FASTKD2: variants seen among roughly 807,000 people sequenced by gnomAD.
The protein encoded by FASTKD2 is FAST kinase domains 2, also known as FAST kinase domain-containing protein 2, mitochondrial.
FASTKD2 carries 51 observed loss-of-function variants against 63.6 expected under a neutral mutation model. The ratio of observed to expected loss-of-function variants is 0.80; its 90% CI spans 0.64 to 1.01. The LOEUF (loss-of-function observed/expected upper bound fraction) is 1.01. Ranked by LOEUF, FASTKD2 falls within the 50% of genes least tolerant of loss-of-function variation. FASTKD2 has a pLI of 0.00. For synonymous variants in FASTKD2, 284 were observed against 293.4 expected, an observed-to-expected ratio of 0.97 and a Z score of 0.33; for missense variants, 786 against 831.1, an observed-to-expected ratio of 0.95 and a Z score of 0.67.
chr2:206,787,832 G>T, intron 8 of FASTKD2, 105 bp from the exon 9 acceptor site: 1 of 477,778 alleles, frequency 2.1e-6, no homozygotes. Flanking sequence ...GTGCATTTAT[G>T]TATATATTTA....
chr2:206,787,748 G>A (rs1290028899), intron 8 of FASTKD2, among the ~76,000 whole-genome samples, 189 bp from the exon 9 acceptor site: 1 of 152,118 alleles, frequency 6.6e-6, no homozygotes, highest in Non-Finnish European at 1.5e-5. Flanking sequence ...GCAGGGCTTT[G>A]ATTTAGACCC....
rs749657627 is a variant in FASTKD2 at position 206,791,665 on chromosome 2, T to C, written c.2014-18T>C. The stretch of plus-strand genomic sequence containing the variant: ...GTATCGTCTCACAAACTGATTATTT[T>C]CCTCTTTCTTTGGTAAGGTCAATAA... On this transcript the variant is annotated intron_variant, in intron 11 of 11. Coordinates refer to ENST00000402774, the MANE Select transcript of FASTKD2 (RefSeq NM_001136193.2). 25 of 1,610,952 alleles carry C rather than the reference T, an allele frequency of 1.6e-5. No homozygotes were observed. The African/African-American group carries it at 3.1e-4, about 20-fold the overall frequency.
At chr2:206,771,063 C>G in intron 3 of FASTKD2, 119 bp from the exon 4 acceptor site, 1 of 675,040 alleles carries the variant, frequency 1.5e-6, no homozygotes, top group Non-Finnish European at 2.7e-6. Context: ...GCAGGTAGAT[C>G]ATTTCTCTGG....
intron 7 of FASTKD2, among the ~76,000 whole-genome samples, chr2:206,775,273 G>C (rs1022429874): frequency 4.0e-5 from 6 of 151,332 alleles, no homozygotes; most frequent in Non-Finnish European, 7.4e-5. Context: ...CCACAAGTGA[G>C]ATCCCTGGAT....
chr2:206,788,858 T>G lies in FASTKD2; in HGVS notation c.1853T>G (p.Leu618Arg). The G allele has an allele frequency of 6.3e-7, 1 of 1,588,880 alleles. No homozygotes were observed. Among genetic ancestry groups the G allele is most frequent in the South Asian group, 1.1e-5 (1 of 90,540 alleles). Residue 618 changes from leucine (L) to arginine (R), a missense_variant, in exon 10 of 12, where the codon CTA becomes CGA. Physicochemically the swap from Leu to Arg is moderately radical, Grantham distance 102. Coordinates refer to ENST00000402774, the MANE Select transcript of FASTKD2 (RefSeq NM_001136193.2). ...IRMDTNRNQV[L>R]PLSDVDTTSA... ...ATGGACACTAACAGGAATCAAGTGC[T>G]ACCACTTTCTGATGTGGATACAACT...
In FASTKD2 at chr2:206,795,776, A is replaced by C. The variant is rs1690433630; in HGVS notation, c.*3974A>C. Among the ~76,000 whole-genome samples, 1 of 152,226 alleles carries C rather than the reference A, an allele frequency of 6.6e-6. No homozygotes were observed. Among genetic ancestry groups the C allele is most frequent in the African/African-American group, 2.4e-5 (1 of 41,454 alleles). On this transcript the variant is annotated 3_prime_UTR_variant, in exon 12 of 12. Transcript: ENST00000402774. The stretch of plus-strand genomic sequence containing the variant: ...GAGCATTTTATTTTTCTAGAAGAGC[A>C]ATAACAGAGACCCCAGGGTGTGGTG...
In FASTKD2 at chr2:206,777,288, G is replaced by T. The variant is rs981098689; in HGVS notation, c.1427+2891G>T. 2.0e-5 allele frequency among the ~76,000 whole-genome samples: 3 copies of T among 152,080 alleles called. No individual in the cohort carries two copies. In the East Asian group the frequency reaches 5.8e-4, roughly 29 times the overall value. ...AAGAAAATATTTGTTTTTCATCATC[G>T]AATATGATGTTAGCTATGGCTTTTC... On this transcript the variant is annotated intron_variant, in intron 7 of 11. Transcript: ENST00000402774.
At chr2:206,772,998 T>C (rs529272251) in intron 6 of FASTKD2, among the ~76,000 whole-genome samples, 4 of 152,172 alleles carry the variant, frequency 2.6e-5, no homozygotes, top group Non-Finnish European at 4.4e-5. Flanking sequence ...GAAACAAAAA[T>C]TTGCTCTTCT....
At chr2:206,782,937 G>GGGCA (rs1308155451) in intron 7 of FASTKD2, among the ~76,000 whole-genome samples, 2 of 151,676 alleles carry the variant, frequency 1.3e-5, no homozygotes, top group African/African-American at 4.9e-5. Context: ...GAACAAACTA[G>GGGCA]GGCAGTTGTG....
rs938922378 is a variant in FASTKD2, at chr2:206,773,291, G to A, written c.1255-934G>A. On this transcript the variant is annotated intron_variant, in intron 6 of 11. Coordinates refer to ENST00000402774, the MANE Select transcript of FASTKD2 (RefSeq NM_001136193.2). ...GATTGTGCCACTGTACTCCAGCCTG[G>A]GCAATAAAGATCAAAACTCTGTCTC... Among the ~76,000 whole-genome samples the A allele has an allele frequency of 6.2e-5, 9 of 145,160 alleles. No homozygotes were observed. In the South Asian group the frequency reaches 6.6e-4, roughly 11 times the overall value.
Position 206,771,784 on chromosome 2 carries a change from G to T in FASTKD2, c.991-110G>T, listed in dbSNP as rs568793725. On this transcript the variant is annotated intron_variant, in intron 4 of 11. Transcript: ENST00000402774. The stretch of plus-strand genomic sequence containing the variant: ...CAGGAGGATCACTTGAGCCTGGGAG[G>T]TTGAGGCTCCAACCTGGGTGACAGC... 4.8e-4 allele frequency: 414 copies of T among 854,126 alleles called. 1 individual carries two copies. Among genetic ancestry groups the T allele is most frequent in the Middle Eastern group, 3.3e-3 (11 of 3,354 alleles). 52.9% of individuals were successfully genotyped at this position (854,126 alleles called of 1,614,324 possible). A position where few individuals can be genotyped will look rare whatever the true frequency, so the allele number is the denominator to read the frequency against.
intron 6 of FASTKD2, among the ~76,000 whole-genome samples, chr2:206,773,030 A>G (rs1689726427): frequency 6.6e-6 from 1 of 152,048 alleles, no homozygotes; most frequent in South Asian, 2.1e-4. Context: ...AAAGGGTTGT[A>G]TGGGCTGGGC....
chr2:206,793,220 C>CAAAAAAAAAAAA lies in FASTKD2; in HGVS notation c.*1438_*1449dup, dbSNP rs58656956. On this transcript the variant is annotated 3_prime_UTR_variant, in exon 12 of 12. Coordinates refer to ENST00000402774, the MANE Select transcript of FASTKD2 (RefSeq NM_001136193.2). ...CTGACCACAGAGCGAGACTCTGTCT[C>CAAAAAAAAAAAA]AAAAAAAAAAAAAAAAAAAAAAAAA... 2.3e-4 allele frequency among the ~76,000 whole-genome samples: 15 copies of CAAAAAAAAAAAA among 65,816 alleles called. No homozygotes were observed. Among genetic ancestry groups the CAAAAAAAAAAAA allele is most frequent in the Non-Finnish European group, 2.5e-4 (9 of 36,080 alleles). 43.2% of individuals were successfully genotyped at this position (65,816 alleles called of 152,430 possible).
intron 7 of FASTKD2, among the ~76,000 whole-genome samples, chr2:206,778,402 C>T (rs1257943113): frequency 6.6e-6 from 1 of 152,010 alleles, no homozygotes; most frequent in Non-Finnish European, 1.5e-5. Flanking sequence ...TCTTCTTTAA[C>T]CCATTGGGTG....
rs1690405142 is a variant in FASTKD2 at position 206,794,993 on chromosome 2, T to C, written c.*3191T>C. On this transcript the variant is annotated 3_prime_UTR_variant, in exon 12 of 12. Transcript: ENST00000402774. ...TGAAATTACCCAGCAGTTATGATGGTCAGTGGCTCACTCAGCAGCAAGCCA... is the reference window on the plus strand; with the variant it reads ...TGAAATTACCCAGCAGTTATGATGGCCAGTGGCTCACTCAGCAGCAAGCCA... Among the ~76,000 whole-genome samples, 2 of 151,792 alleles carry C rather than the reference T, an allele frequency of 1.3e-5. No homozygotes were observed. The highest frequency in any genetic ancestry group is 1.3e-4 in the Admixed American group (2 of 15,252).
At position 206,767,535 on chromosome 2, in the gene FASTKD2, G is replaced by A. The variant is rs914596547; in HGVS notation, c.777+65G>A. ...TTAGAATATTTTGAAAGAATGAAGG[G>A]ATATAGATATGTAGCCTTCTTAAAA... is the stretch of plus-strand genomic sequence containing the variant. On this transcript the variant is annotated intron_variant, in intron 2 of 11. Transcript: ENST00000402774. 5.2e-5 allele frequency: 67 copies of A among 1,278,662 alleles called. No individual in the cohort carries two copies. The African/African-American group carries it at 8.5e-4, about 16-fold the overall frequency. The allele number at this position is 1,278,662 out of a possible 1,614,324, so 79.2% of individuals were successfully genotyped here. A position where few individuals can be genotyped will look rare whatever the true frequency, so the allele number is the denominator to read the frequency against.
chr2:206,779,930 C>G (rs1241619455), intron 7 of FASTKD2, among the ~76,000 whole-genome samples: 1 of 151,922 alleles, frequency 6.6e-6, no homozygotes, highest in Non-Finnish European at 1.5e-5. Context: ...TTTGTGGTTA[C>G]CATGGGTCTT....
At position 206,766,929 on chromosome 2, in the gene FASTKD2, A is replaced by G; in HGVS notation, c.236A>G (p.Gln79Arg). 1 of 1,602,942 alleles carries G rather than the reference A, an allele frequency of 6.2e-7. No homozygotes were observed. Among genetic ancestry groups the G allele is most frequent in the Non-Finnish European group, 8.5e-7 (1 of 1,172,942 alleles). The change falls in exon 2 of 12, where the codon CAG becomes CGG. Residue 79 changes from glutamine (Q) to arginine (R), a missense_variant. Transcript: ENST00000402774. ...ACTGATATCATTAGATATCTCTTTCAGGATGCATTCATTTTTAAATCAGAT... is the reference window on the plus strand; with the variant it reads ...ACTGATATCATTAGATATCTCTTTCGGGATGCATTCATTTTTAAATCAGAT... ...QSTDIIRYLFQDAFIFKSDVG... is the reference protein window; with the variant it reads ...QSTDIIRYLFRDAFIFKSDVG...
Position 206,791,887 on chromosome 2 carries a change from C to G in FASTKD2, c.*85C>G. 7.7e-7 allele frequency: 1 copy of G among 1,295,210 alleles called. No individual in the cohort carries two copies. The highest frequency in any genetic ancestry group is 1.1e-6 in the Non-Finnish European group (1 of 914,294). 80.2% of individuals were successfully genotyped at this position (1,295,210 alleles called of 1,614,324 possible). ...CAAGTCAGTTGTCAATGGAATTGAG[C>G]TATCTGCTAAGACAAAAAATGTTAC... On this transcript the variant is annotated 3_prime_UTR_variant, in exon 12 of 12. Transcript: ENST00000402774.
Sources: allele counts gnomAD v4.1 joint callset (sites outside exome capture counted in the v4.1 genomes callset), GRCh38; gene constraint gnomAD v4.1.1; transcripts MANE v1.5; gene names NCBI Gene and HGNC (gene_info 2026-07-23, HGNC 2026-07-21).